The following ITPRID1 variants were observed in gnomAD, a reference collection of about 807,000 sequenced individuals.
ITPRID1 encodes the protein protein ITPRID1.
Under a neutral mutation model 95.4 loss-of-function variants are expected in ITPRID1, and 96 were observed. That is an observed-to-expected ratio of 1.01 (90% CI 0.85 to 1.19). The LOEUF (loss-of-function observed/expected upper bound fraction) is 1.19, where lower values mean the gene tolerates loss of function less well. Among genes scored for constraint, ITPRID1 ranks in the 50% most tolerant of loss-of-function variants. ITPRID1 has a pLI of 0.00. For missense variants in ITPRID1, 1,339 were observed against 1,252.9 expected (o/e 1.07, Z -1.04); for synonymous variants, 510 against 453.6 (o/e 1.12, Z -1.58).
At chr7:31,548,906 G>A (rs1025804874) in intron 1 of ITPRID1, among the ~76,000 whole-genome samples, 1 of 152,088 alleles carries the variant, frequency 6.6e-6, no homozygotes, top group Non-Finnish European at 1.5e-5. Flanking sequence ...ATGGATCTAT[G>A]TAGACTTCTC....
intron 2 of ITPRID1, among the ~76,000 whole-genome samples, chr7:31,552,563 C>T (rs189967885): frequency 2.6e-5 from 4 of 152,258 alleles, no homozygotes; most frequent in Non-Finnish European, 5.9e-5. Flanking sequence ...CAACAAGTTG[C>T]AGAAATGAGA....
At chr7:31,552,000 C>A in intron 2 of ITPRID1, 1 of 377,934 alleles carries the variant, frequency 2.6e-6, no homozygotes. Context: ...TACTATGTGC[C>A]AAAAATCCAG....
In ITPRID1 at chr7:31,514,790, T is replaced by C. The variant is rs185506177; in HGVS notation, c.-98+670T>C. Among the ~76,000 whole-genome samples, 760 of 152,268 alleles carry C rather than the reference T, an allele frequency of 5.0e-3. 2 individuals are homozygous for C. The highest frequency in any genetic ancestry group is 9.0e-3 in the Non-Finnish European group (609 of 68,020). On this transcript the variant is annotated intron_variant, in intron 1 of 14. Coordinates refer to ENST00000615280, the MANE Select transcript of ITPRID1 (RefSeq NM_001257967.3). ...AATTGAATGTTCCAACCAGACTAGA[T>C]AGCATATTTGCACATATATATACAC... is the stretch of plus-strand genomic sequence containing the variant.
At chr7:31,519,620 C>CTCTCTCTCTCTATATATATATATATA in intron 1 of ITPRID1, among the ~76,000 whole-genome samples, 2 of 25,268 alleles carry the variant, frequency 7.9e-5, no homozygotes, top group Non-Finnish European at 7.3e-5. Context: ...CTCTCTCTCT[C>CTCTCTCTCTCTATATATATATATATA]TATATATATA....
chr7:31,553,928 T>C (rs568010389), intron 3 of ITPRID1, among the ~76,000 whole-genome samples: 1 of 152,332 alleles, frequency 6.6e-6, no homozygotes, highest in East Asian at 1.9e-4. Flanking sequence ...AAGATCCACC[T>C]TAAAAGACTG....
At chr7:31,527,592 C>G (rs193006908) in intron 1 of ITPRID1, among the ~76,000 whole-genome samples, 1 of 152,274 alleles carries the variant, frequency 6.6e-6, no homozygotes, top group African/African-American at 2.4e-5. Flanking sequence ...TTTCCTTTCT[C>G]TCAGCCTCCT....
chr7:31,519,620 C>CTCTCTATATATATATATATATATATATA, intron 1 of ITPRID1, among the ~76,000 whole-genome samples: 3 of 25,268 alleles, frequency 1.2e-4, no homozygotes, highest in Non-Finnish European at 2.2e-4. Flanking sequence ...CTCTCTCTCT[C>CTCTCTATATATATATATATATATATATA]TATATATATA....
rs1220656933 is a variant in ITPRID1, at chr7:31,548,443, G to T, written c.-97-983G>T. Among the ~76,000 whole-genome samples, 4 of 152,296 alleles carry T rather than the reference G, an allele frequency of 2.6e-5. No homozygotes were observed. In the East Asian group the frequency reaches 5.8e-4, roughly 22 times the overall value. The stretch of plus-strand genomic sequence containing the variant: ...ACACTATCTTGAAGACTATAGTACA[G>T]ATTTTTAAGGAAGAAATGAAAGAGC... On this transcript the variant is annotated intron_variant, in intron 1 of 14. Coordinates refer to ENST00000615280, the MANE Select transcript of ITPRID1 (RefSeq NM_001257967.3).
chr7:31,598,683 G>A (rs543786281), intron 10 of ITPRID1, among the ~76,000 whole-genome samples: 70 of 152,204 alleles, frequency 4.6e-4, no homozygotes, highest in African/African-American at 1.3e-3. Flanking sequence ...GATTACAGGC[G>A]TGAGCCACCG....
chr7:31,623,784 G>A (rs975523017), intron 10 of ITPRID1, among the ~76,000 whole-genome samples: 14 of 151,770 alleles, frequency 9.2e-5, no homozygotes, highest in Non-Finnish European at 7.4e-5. Flanking sequence ...AATTAGGCAG[G>A]AGAAGGAAAT....
At chr7:31,616,008 G>T (rs1787181533) in intron 10 of ITPRID1, among the ~76,000 whole-genome samples, 1 of 152,068 alleles carries the variant, frequency 6.6e-6, no homozygotes, top group African/African-American at 2.4e-5. Context: ...CTCCCAAAGT[G>T]CTGGGATTAC....
rs568185057 is a variant in ITPRID1, at chr7:31,656,256, G to C, written c.*3427G>C. 1 of 177,758 alleles carries C rather than the reference G, an allele frequency of 5.6e-6. No homozygotes were observed. The highest frequency in any genetic ancestry group is 2.4e-5 in the African/African-American group (1 of 41,986). The allele number at this position is 177,758 out of a possible 1,614,324, so 11.0% of individuals were successfully genotyped here. A position where few individuals can be genotyped will look rare whatever the true frequency, so the allele number is the denominator to read the frequency against. ...AGTACCTACTACCCTGTGTTTAAGAGAGACTATCTGGAGGAAAGTACAGAC... is the reference window on the plus strand; with the variant it reads ...AGTACCTACTACCCTGTGTTTAAGACAGACTATCTGGAGGAAAGTACAGAC... On this transcript the variant is annotated 3_prime_UTR_variant, in exon 15 of 15. Coordinates refer to ENST00000615280, the MANE Select transcript of ITPRID1 (RefSeq NM_001257967.3).
At chr7:31,632,356 G>A (rs1789083700) in intron 10 of ITPRID1, among the ~76,000 whole-genome samples, 2 of 152,148 alleles carry the variant, frequency 1.3e-5, no homozygotes, top group African/African-American at 4.8e-5. Flanking sequence ...GCTGAAACAG[G>A]AGAATCGCTT....
At chr7:31,569,950 C>T in intron 6 of ITPRID1, 141 bp downstream of exon 6, 1 of 601,842 alleles carries the variant, frequency 1.7e-6, no homozygotes, top group Non-Finnish European at 2.8e-6. Flanking sequence ...GTCACAGTGC[C>T]TAGAATGTTT....
chr7:31,593,683 C>T (rs1223354418), intron 10 of ITPRID1, among the ~76,000 whole-genome samples: 1 of 152,150 alleles, frequency 6.6e-6, no homozygotes, highest in Non-Finnish European at 1.5e-5. Context: ...TAAATGGATG[C>T]AGCTTTTGAT....
intron 1 of ITPRID1, among the ~76,000 whole-genome samples, chr7:31,531,922 AAGG>A (rs1783611017): frequency 2.6e-5 from 4 of 152,146 alleles, no homozygotes; most frequent in Admixed American, 2.6e-4. Flanking sequence ...ACAATCACAT[AAGG>A]AGGAGAAGTT....
chr7:31,599,692 CTTTCTTTCTT>C (rs1786302163), intron 10 of ITPRID1, among the ~76,000 whole-genome samples: 2 of 115,060 alleles, frequency 1.7e-5, no homozygotes, highest in African/African-American at 3.1e-5. Flanking sequence ...CTCTCTCTCT[CTTTCTTTCTT>C]TCTTTCTTTC....
intron 7 of ITPRID1, among the ~76,000 whole-genome samples, chr7:31,573,069 G>A (rs1785047735): frequency 6.6e-6 from 1 of 152,158 alleles, no homozygotes; most frequent in Admixed American, 6.5e-5. Context: ...GTAATCAAGT[G>A]ATTGGCATTC....
rs865992961 is a variant in ITPRID1, at chr7:31,652,829, G to T, written c.3135G>T (p.Ter1045TyrextTer52). Reference protein sequence around the residue: ...VGEKDADVFL* With the variant: ...VGEKDADVFLY ...AAAAGGATGCAGATGTCTTCCTCTA[G>T]ATCAGAGCAGGTTTGTTAACCTTCA... The change falls in exon 15 of 15, where the codon TAG (stop) becomes TAT (tyrosine). Residue 1045 changes from the stop codon to tyrosine (Y), a stop_lost. Transcript: ENST00000615280. 1 of 1,610,216 alleles carries T rather than the reference G, an allele frequency of 6.2e-7. No individual in the cohort carries two copies. Among genetic ancestry groups the T allele is most frequent in the Non-Finnish European group, 8.5e-7 (1 of 1,176,702 alleles).
Sources: allele counts gnomAD v4.1 joint callset (sites outside exome capture counted in the v4.1 genomes callset), GRCh38; gene constraint gnomAD v4.1.1; transcripts MANE v1.5; gene names NCBI Gene and HGNC (gene_info 2026-07-23, HGNC 2026-07-21).